The following MLXIPL variants were observed in gnomAD, a reference collection of about 807,000 sequenced individuals.
MLXIPL encodes MLX interacting protein like.
A neutral mutation model predicts 81.5 loss-of-function variants in MLXIPL; 49 were observed. The observed-to-expected ratio is 0.60, with a 90% CI of 0.48 to 0.76. The LOEUF (loss-of-function observed/expected upper bound fraction) is 0.76. Ranked by LOEUF, MLXIPL falls within the 30% of genes least tolerant of loss-of-function variation. The pLI, the probability that MLXIPL is intolerant of heterozygous loss-of-function variation, is 0.00. For synonymous variants in MLXIPL, 466 were observed against 485.5 expected (o/e 0.96, Z 0.53); for missense variants, 1,053 against 1,167.0 (o/e 0.90, Z 1.42).
At chr7:73,640,803 A>T in the MLXIPL span, among the ~76,000 whole-genome samples, 1 of 151,816 alleles carries the variant, frequency 6.6e-6, no homozygotes, top group African/African-American at 2.4e-5. Context: ...AAGGAGAAAA[A>T]AAAGAACAGA....
the MLXIPL span, among the ~76,000 whole-genome samples, chr7:73,631,518 C>T: frequency 7.0e-6 from 1 of 142,892 alleles, no homozygotes; most frequent in Non-Finnish European, 1.5e-5. Flanking sequence ...CTCAGGGTGA[C>T]TAGAAGGGCT....
upstream of MLXIPL, among the ~76,000 whole-genome samples, chr7:73,625,992 A>G (rs1449211728): frequency 6.6e-6 from 1 of 151,944 alleles, no homozygotes; most frequent in Non-Finnish European, 1.5e-5. Context: ...ATTTTTATTT[A>G]TCTATATACT....
At chr7:73,634,095 C>T in the MLXIPL span, among the ~76,000 whole-genome samples, 1 of 152,138 alleles carries the variant, frequency 6.6e-6, no homozygotes, top group Non-Finnish European at 1.5e-5. Flanking sequence ...GAAGTCACTT[C>T]CCCTGTCTGG....
At chr7:73,618,528 G>A (rs2116478539) in intron 1 of MLXIPL, among the ~76,000 whole-genome samples, 1 of 137,322 alleles carries the variant, frequency 7.3e-6, no homozygotes, top group African/African-American at 2.8e-5. Flanking sequence ...TGGTCATTGG[G>A]CCCTCTCTCC....
chr7:73,604,019 C>T (rs931208613), intron 7 of MLXIPL, among the ~76,000 whole-genome samples: 5 of 151,626 alleles, frequency 3.3e-5, no homozygotes, highest in Admixed American at 3.3e-4. Context: ...AGTTCAAAAC[C>T]AGCCTGGCCA....
the MLXIPL span, among the ~76,000 whole-genome samples, chr7:73,643,829 A>G: frequency 6.6e-6 from 1 of 152,126 alleles, no homozygotes; most frequent in African/African-American, 2.4e-5. Context: ...GTGCAGCGGC[A>G]CCACCATGGC....
the MLXIPL span, among the ~76,000 whole-genome samples, chr7:73,647,130 G>A: frequency 6.6e-6 from 1 of 152,160 alleles, no homozygotes; most frequent in African/African-American, 2.4e-5. Flanking sequence ...CCCAAACCCA[G>A]CCCAGAGGTG....
At chr7:73,608,997 C>T (rs1554599106) in intron 2 of MLXIPL, among the ~76,000 whole-genome samples, 1 of 152,068 alleles carries the variant, frequency 6.6e-6, no homozygotes, top group East Asian at 1.9e-4. Flanking sequence ...TTTGTAGAGA[C>T]AGGGTCTCCC....
Position 73,603,153 on chromosome 7 carries a change from A to G in MLXIPL, c.901+2535T>C, listed in dbSNP as rs530624086. Among the ~76,000 whole-genome samples, 4 of 145,818 alleles carry G rather than the reference A, an allele frequency of 2.7e-5. No individual in the cohort carries two copies. The South Asian group carries it at 6.6e-4, about 24-fold the overall frequency. On this transcript the variant is annotated intron_variant, in intron 7 of 16. Coordinates refer to ENST00000313375, the MANE Select transcript of MLXIPL (RefSeq NM_032951.3). ...GTCCCCTCCCTGGGTTTCCAGCCAG[A>G]CCTCCCCAGTGGGAGGCTCTTGGGG...
chr7:73,612,372 G>T (rs1554599898), intron 2 of MLXIPL, among the ~76,000 whole-genome samples: 1 of 151,998 alleles, frequency 6.6e-6, no homozygotes, highest in African/African-American at 2.4e-5. Flanking sequence ...CAGGCGCGGT[G>T]GCTCACGCCT....
intron 1 of MLXIPL, among the ~76,000 whole-genome samples, chr7:73,618,108 T>A (rs1365925320): frequency 6.6e-6 from 1 of 152,152 alleles, no homozygotes; most frequent in African/African-American, 2.4e-5. Context: ...CATTTTTTCA[T>A]TTTTTTGAGA....
At chr7:73,620,517 G>A (rs1223152749) in intron 1 of MLXIPL, among the ~76,000 whole-genome samples, 2 of 147,902 alleles carry the variant, frequency 1.4e-5, no homozygotes, top group Admixed American at 6.8e-5. Context: ...GAGACGGGTG[G>A]ATCACAAGGT....
rs912894476 is a variant in MLXIPL at position 73,596,126 on chromosome 7, G to A, written c.2058+27C>T. ...CCAGAAAGGGGCCCTGTGGTTTTGG[G>A]GGTGCCAGCCTGGGCCCGGGGCTCA... On this transcript the variant is annotated intron_variant, in intron 13 of 16. Transcript: ENST00000313375. This position sits in a 1 kb window ranked among gnomAD's most constrained non-coding sequence, Gnocchi z 4.7. 1.9e-6 allele frequency: 3 copies of A among 1,609,322 alleles called. No homozygotes were observed. Among genetic ancestry groups the A allele is most frequent in the Non-Finnish European group, 2.5e-6 (3 of 1,178,992 alleles).
In MLXIPL at chr7:73,597,409, G is replaced by T. The variant is rs1456107834; in HGVS notation, c.1376C>A (p.Pro459Gln). Residue 459 changes from proline to glutamine, a missense_variant, in exon 9 of 17, where the codon CCA becomes CAA. Pro to Gln is a moderately conservative substitution (Grantham distance 76, BLOSUM62 -1). Around this residue, in one of 3 missense-constraint regions of MLXIPL, gnomAD observed 823 missense variants for 933.0 expected, o/e 0.88. Transcript: ENST00000313375. Reference protein sequence around the residue: ...LPAPAAFPPTPQSVPSPAPTP... With the variant: ...LPAPAAFPPTQQSVPSPAPTP... Reference sequence around the variant, plus strand: ...GGGGGCTGGGCTGGGGACAGACTGTGGGGTGGGTGGGAAGGCTGCAGGAGC... The same window carrying T: ...GGGGGCTGGGCTGGGGACAGACTGTTGGGTGGGTGGGAAGGCTGCAGGAGC... The T allele has an allele frequency of 1.5e-5, 21 of 1,435,806 alleles. No homozygotes were observed. The African/African-American group carries it at 3.0e-4, about 21-fold the overall frequency. The allele number at this position is 1,435,806 out of a possible 1,614,324, so 88.9% of individuals were successfully genotyped here.
chr7:73,594,448 C>G, intron 15 of MLXIPL, 45 bp from the exon 16 acceptor site: 1 of 1,598,822 alleles, frequency 6.3e-7, no homozygotes, highest in African/African-American at 1.3e-5. Flanking sequence ...CTGGTCCCCC[C>G]ACACCACGTG....
rs1794367131 is a variant in MLXIPL at position 73,596,865 on chromosome 7, C to T, written c.1671G>A (p.Pro557=). ...SSTLLRSPGS[P]QETVPEFPCT... is the part of the protein sequence containing the mutation. The stretch of plus-strand genomic sequence containing the variant: ...CACCGCCCAGTGCCCGAGATCTTAC[C>T]GGGGACCCTGGGGACCGGAGGAGGG... The change falls in exon 10 of 17, where the codon CCG becomes CCA. Residue 557 remains proline (P), a splice_region_variant and synonymous_variant. Coordinates refer to ENST00000313375, the MANE Select transcript of MLXIPL (RefSeq NM_032951.3). The surrounding 1 kb of genome is among the most constrained non-coding windows in gnomAD (Gnocchi z 4.7). 5.0e-6 allele frequency: 8 copies of T among 1,611,352 alleles called. No individual in the cohort carries two copies. The highest frequency in any genetic ancestry group is 1.3e-5 in the African/African-American group (1 of 74,974).
chr7:73,633,927 T>G, the MLXIPL span, among the ~76,000 whole-genome samples: 1 of 152,150 alleles, frequency 6.6e-6, no homozygotes, highest in Admixed American at 6.6e-5. Flanking sequence ...AGGGAGATGA[T>G]GTATCAGGCC....
At chr7:73,615,559 A>T (rs1795958247) in intron 2 of MLXIPL, among the ~76,000 whole-genome samples, 1 of 152,088 alleles carries the variant, frequency 6.6e-6, no homozygotes, top group Non-Finnish European at 1.5e-5. Flanking sequence ...CTATTCCCCG[A>T]GACCCGCTGG....
chr7:73,623,458 C>T lies in MLXIPL; in HGVS notation c.293+742G>A, dbSNP rs1235376212. The stretch of plus-strand genomic sequence containing the variant: ...GGCAGCGGGGCGCGGCCTGTGCGCT[C>T]TCGGTGGCACTAAGCGGGGGTCCCA... On this transcript the variant is annotated intron_variant, in intron 1 of 16. Transcript: ENST00000313375. This position sits in a 1 kb window ranked among gnomAD's most constrained non-coding sequence, Gnocchi z 5.7. Among the ~76,000 whole-genome samples the T allele has an allele frequency of 5.3e-5, 8 of 152,066 alleles. No homozygotes were observed. Among genetic ancestry groups the T allele is most frequent in the Non-Finnish European group, 1.2e-4 (8 of 68,010 alleles).
Sources: gnomAD v4.1 joint callset for allele counts (sites outside exome capture counted in the v4.1 genomes callset) on GRCh38, gnomAD v4.1.1 for gene constraint, gnomAD v4.1.1 regional missense constraint, Gnocchi (gnomAD v3.1) non-coding constraint, MANE v1.5 for transcripts, NCBI Gene and HGNC (gene_info 2026-07-23, HGNC 2026-07-21) for gene names.